NEB: variants seen among roughly 807,000 people sequenced by gnomAD.
The protein encoded by NEB is nemaline myopathy type 2.
NEB carries 512 observed loss-of-function variants against 952.2 expected under a neutral mutation model. That is an observed-to-expected ratio of 0.54 (90% CI 0.50 to 0.58). The LOEUF is 0.58. Among genes scored for constraint, NEB ranks in the 20% least tolerant of loss-of-function variants. The pLI, the probability that NEB is intolerant of heterozygous loss-of-function variation, is 0.00. For missense variants in NEB, 8,428 were observed against 9,231.1 expected (o/e 0.91, Z 3.56); for synonymous variants, 2,900 against 3,149.8 (o/e 0.92, Z 2.66).
In NEB at chr2:151,690,813, C is replaced by T. The variant is rs945586712; in HGVS notation, c.2224G>A (p.Val742Ile). The T allele has an allele frequency of 6.3e-7, 1 of 1,584,524 alleles. No individual in the cohort carries two copies. The highest frequency in any genetic ancestry group is 8.6e-7 in the Non-Finnish European group (1 of 1,163,200). The change falls in exon 24 of 182, where the codon GTT becomes ATT. Residue 742 changes from valine (V) to isoleucine (I), a missense_variant. Physicochemically the swap from Val to Ile is conservative, Grantham distance 29 (BLOSUM62 3). Transcript: ENST00000397345. ...GTGAATTTGGTCTTATCTGGATGAA[C>T]TTTGTAGGTATGCTAGAAAAGAAGA... ...LDQCKDHTYK[V>I]HPDKTKFTAV...
intron 55 of NEB, 47 bp from the exon 56 acceptor site, chr2:151,644,622 CA>C: frequency 2.1e-6 from 3 of 1,423,818 alleles, no homozygotes; most frequent in Non-Finnish European, 2.0e-6. Flanking sequence ...TCCCCATAGA[CA>C]AATATAGCAT....
At chr2:151,532,969 CAA>C (rs543576274) in intron 143 of NEB, among the ~76,000 whole-genome samples, 2 of 152,204 alleles carry the variant, frequency 1.3e-5, no homozygotes, top group South Asian at 4.2e-4. Flanking sequence ...GCATCAAAGT[CAA>C]GAGGCGCCAT....
intron 167 of NEB, among the ~76,000 whole-genome samples, chr2:151,502,284 T>G (rs530095681): frequency 6.6e-6 from 1 of 152,042 alleles, no homozygotes; most frequent in African/African-American, 2.4e-5. Context: ...ACTGCTTGGG[T>G]GATGGGTGCA....
intron 32 of NEB, among the ~76,000 whole-genome samples, chr2:151,679,077 C>A (rs2099395454): frequency 6.6e-6 from 1 of 152,024 alleles, no homozygotes; most frequent in African/African-American, 2.4e-5. Flanking sequence ...AGCCAGGAGC[C>A]AGAGGTAAGC....
chr2:151,604,305 C>A (rs2097601440), intron 85 of NEB, among the ~76,000 whole-genome samples: 1 of 108,664 alleles, frequency 9.2e-6, no homozygotes, highest in African/African-American at 4.7e-5. Flanking sequence ...CGGCTCAGAG[C>A]AGCTGCAACT....
In NEB at chr2:151,640,030, T is replaced by C. The variant is rs778495200; in HGVS notation, c.8716A>G (p.Arg2906Gly). ...NMYKSDLQWM[R>G]GIGWVSIGSL... is the part of the protein sequence containing the mutation. ...CCAATGGACACCCAGCCAATGCCTC[T>C]CATCCACTGGAGATCAGACTTGTAC... Residue 2906 changes from arginine to glycine, a missense_variant, in exon 62 of 182, where the codon AGA becomes GGA. Physicochemically the swap from Arg to Gly is moderately radical, Grantham distance 125 (BLOSUM62 -2). Coordinates refer to ENST00000397345, the MANE Select transcript of NEB (RefSeq NM_001164508.2). The C allele has an allele frequency of 1.2e-6, 2 of 1,613,938 alleles. No individual in the cohort carries two copies. The highest frequency in any genetic ancestry group is 1.3e-5 in the African/African-American group (1 of 75,054).
At chr2:151,615,588 TAGTA>T (rs2098165469) in intron 76 of NEB, among the ~76,000 whole-genome samples, 1 of 152,176 alleles carries the variant, frequency 6.6e-6, no homozygotes. Context: ...TAAATAGAAG[TAGTA>T]AGGAAGAGTT....
At chr2:151,707,413 C>T (rs1300891018) in intron 12 of NEB, among the ~76,000 whole-genome samples, 2 of 152,180 alleles carry the variant, frequency 1.3e-5, no homozygotes, top group Admixed American at 1.3e-4. Flanking sequence ...ACCTACCTGC[C>T]AACACGCTCC....
At chr2:151,550,553 G>A (rs2153638480) in intron 129 of NEB, among the ~76,000 whole-genome samples, 1 of 152,312 alleles carries the variant, frequency 6.6e-6, no homozygotes, top group East Asian at 1.9e-4. Flanking sequence ...GGGAGGACAT[G>A]GAGGAGTGTC....
intron 179 of NEB, 52 bp downstream of exon 179, chr2:151,491,631 T>G: frequency 2.2e-6 from 3 of 1,390,512 alleles, no homozygotes. Flanking sequence ...TCATTGACTC[T>G]AGCATACTAA....
chr2:151,641,856 C>T (rs1486397744), intron 60 of NEB, among the ~76,000 whole-genome samples: 1 of 152,106 alleles, frequency 6.6e-6, no homozygotes, highest in Non-Finnish European at 1.5e-5. Context: ...GGTACATGTG[C>T]ACAACGTGCA....
In NEB at chr2:151,525,256, C is replaced by CT; in HGVS notation, c.22178dup (p.Phe7394ValfsTer31). Reference sequence around the variant, plus strand: ...TGGATTTTCCTTTCTCCTTGACAAACTTCTTTTTGTAATTTGTCTAAATAG... The same window carrying CT: ...TGGATTTTCCTTTCTCCTTGACAAACTTTCTTTTTGTAATTTGTCTAAATAG... On this transcript the variant is annotated frameshift_variant, in exon 151 of 182. Transcript: ENST00000397345. LOFTEE classifies it high-confidence loss of function. 6.2e-7 allele frequency: 1 copy of CT among 1,612,608 alleles called. No homozygotes were observed. The highest frequency in any genetic ancestry group is 8.5e-7 in the Non-Finnish European group (1 of 1,178,704).
Position 151,610,101 on chromosome 2 carries a change from T to C in NEB, c.12038A>G (p.Tyr4013Cys), listed in dbSNP as rs745358590. The change falls in exon 81 of 182, where the codon TAT becomes TGT. Residue 4013 changes from tyrosine (Y) to cysteine (C), a missense_variant. Tyr to Cys is a radical substitution (Grantham distance 194). Coordinates refer to ENST00000397345, the MANE Select transcript of NEB (RefSeq NM_001164508.2). ...AATGTGGTGGCCTTTCTGTTTCTCATAGGCTTCCTTGTATTTGTACTAAAA... is the reference window on the plus strand; with the variant it reads ...AATGTGGTGGCCTTTCTGTTTCTCACAGGCTTCCTTGTATTTGTACTAAAA... Reference protein sequence around the residue: ...IASDYKYKEAYEKQKGHHIGA... With the variant: ...IASDYKYKEACEKQKGHHIGA... 1.1e-5 allele frequency: 17 copies of C among 1,611,326 alleles called. No individual in the cohort carries two copies. Among genetic ancestry groups the C allele is most frequent in the African/African-American group, 2.7e-5 (2 of 74,716 alleles).
chr2:151,543,082 T>C (rs2094275665), intron 135 of NEB, among the ~76,000 whole-genome samples: 1 of 152,206 alleles, frequency 6.6e-6, no homozygotes, highest in African/African-American at 2.4e-5. Context: ...TATAAAGCCA[T>C]TTATCACACC....
At chr2:151,725,303 A>C (rs775741573) in intron 6 of NEB, 150 bp downstream of exon 6, 1 of 696,936 alleles carries the variant, frequency 1.4e-6, no homozygotes, top group Non-Finnish European at 2.4e-6. Context: ...TTACAGCAAC[A>C]TGATCTATGG....
In NEB at chr2:151,607,216, T is replaced by C. The variant is rs542765197; in HGVS notation, c.12639+288A>G. Among the ~76,000 whole-genome samples, 472 of 103,472 alleles carry C rather than the reference T, an allele frequency of 4.6e-3. 175 individuals are homozygous for C. Among genetic ancestry groups the C allele is most frequent in the Non-Finnish European group, 4.6e-3 (180 of 39,378 alleles). The allele number at this position is 103,472 out of a possible 152,430, so 67.9% of individuals were successfully genotyped here. ...GTCAAATGAAAAAGTCCTGGATCAATTAAAAAAACCTAAGATGATAACAGA... is the reference window on the plus strand; with the variant it reads ...GTCAAATGAAAAAGTCCTGGATCAACTAAAAAAACCTAAGATGATAACAGA... On this transcript the variant is annotated intron_variant, in intron 83 of 181. Coordinates refer to ENST00000397345, the MANE Select transcript of NEB (RefSeq NM_001164508.2).
At chr2:151,618,835 A>G (rs1207297118) in intron 73 of NEB, among the ~76,000 whole-genome samples, 1 of 152,218 alleles carries the variant, frequency 6.6e-6, no homozygotes, top group Non-Finnish European at 1.5e-5. Context: ...GTGCGTGAGT[A>G]CTGCAGTCAA....
At chr2:151,665,024 T>C (rs2099195828) in intron 42 of NEB, among the ~76,000 whole-genome samples, 161 bp from the exon 43 acceptor site, 1 of 151,790 alleles carries the variant, frequency 6.6e-6, no homozygotes, top group Admixed American at 6.6e-5. Flanking sequence ...AAATACACAA[T>C]AAGAAAAAAA....
intron 9 of NEB, among the ~76,000 whole-genome samples, chr2:151,719,306 G>A (rs2099767845): frequency 6.6e-6 from 1 of 152,222 alleles, no homozygotes; most frequent in Non-Finnish European, 1.5e-5. Flanking sequence ...AATGTCTCAA[G>A]AGGAGAATTA....
Sources: allele counts gnomAD v4.1 joint callset (sites outside exome capture counted in the v4.1 genomes callset), GRCh38; gene constraint gnomAD v4.1.1; transcripts MANE v1.5; gene names NCBI Gene and HGNC (gene_info 2026-07-23, HGNC 2026-07-21).